TMEM266: variants seen among roughly 807,000 people sequenced by gnomAD.
TMEM266 encodes the protein Hv1 related protein 1.
A neutral mutation model predicts 50.5 loss-of-function variants in TMEM266; 33 were observed. The observed-to-expected ratio is 0.65, with a 90% CI of 0.50 to 0.87. The LOEUF (loss-of-function observed/expected upper bound fraction) is 0.87, where lower values mean the gene tolerates loss of function less well. Among genes scored for constraint, TMEM266 ranks in the 40% least tolerant of loss-of-function variants. TMEM266 has a pLI of 0.00. For missense variants in TMEM266, 655 were observed against 695.1 expected, an observed-to-expected ratio of 0.94 and a Z score of 0.65; for synonymous variants, 310 against 292.3, an observed-to-expected ratio of 1.06 and a Z score of -0.62.
chr15:76,172,777 C>T (rs2038205745), intron 7 of TMEM266, among the ~76,000 whole-genome samples: 1 of 152,200 alleles, frequency 6.6e-6, no homozygotes, highest in Non-Finnish European at 1.5e-5. Flanking sequence ...CCTAAGACCC[C>T]TGACACCCAC....
chr15:76,179,625 A>G (rs12907911), intron 8 of TMEM266, among the ~76,000 whole-genome samples: 72,443 of 151,960 alleles, frequency 0.48, 17,587 homozygotes, highest in Middle Eastern at 0.6. Flanking sequence ...AGCTGTCTCA[A>G]TGGCAGCCCC....
chr15:76,151,733 A>G (rs1015958790), intron 3 of TMEM266, among the ~76,000 whole-genome samples: 3 of 152,142 alleles, frequency 2.0e-5, no homozygotes, highest in Admixed American at 2.0e-4. Flanking sequence ...GTAGGCCGCC[A>G]GAAGCATTTG....
rs565873837 is a variant in TMEM266 at position 76,134,953 on chromosome 15, G to A, written c.38+652G>A. Among the ~76,000 whole-genome samples, 779 of 152,306 alleles carry A rather than the reference G, an allele frequency of 5.1e-3. 7 individuals carry two copies. Among genetic ancestry groups the A allele is most frequent in the Non-Finnish European group, 8.0e-3 (542 of 68,022 alleles). ...TAGCTGGCTGTCAGCTGATCTAGAGGAGGCTGGACTCTGCTCCACGTCTCT... is the reference window on the plus strand; with the variant it reads ...TAGCTGGCTGTCAGCTGATCTAGAGAAGGCTGGACTCTGCTCCACGTCTCT... On this transcript the variant is annotated intron_variant, in intron 2 of 10. Coordinates refer to ENST00000388942, the MANE Select transcript of TMEM266 (RefSeq NM_152335.3).
At chr15:76,125,741 G>A (rs1328589643) in intron 1 of TMEM266, among the ~76,000 whole-genome samples, 2 of 151,764 alleles carry the variant, frequency 1.3e-5, no homozygotes, top group East Asian at 1.9e-4. Flanking sequence ...CCAGCTACCC[G>A]GGAGGCTGAG....
In TMEM266 at chr15:76,191,924, C is replaced by A. The variant is rs762175137; in HGVS notation, c.769-44C>A. ...CAGAGGTCAGGCTGGAGGCCCCCGC[C>A]GGCCCCTCGCCGCTGATTCAGCCTT... On this transcript the variant is annotated intron_variant, in intron 8 of 10. Coordinates refer to ENST00000388942, the MANE Select transcript of TMEM266 (RefSeq NM_152335.3). 18 of 1,518,068 alleles carry A rather than the reference C, an allele frequency of 1.2e-5. 1 individual carries two copies. The South Asian group carries it at 2.3e-4, about 19-fold the overall frequency. 94.0% of individuals were successfully genotyped at this position (1,518,068 alleles called of 1,614,324 possible).
chr15:76,159,583 G>A (rs1156645700), intron 4 of TMEM266, among the ~76,000 whole-genome samples: 3 of 152,102 alleles, frequency 2.0e-5, no homozygotes, highest in African/African-American at 2.4e-5. Flanking sequence ...CACACTGGCC[G>A]ACACCACCGT....
At chr15:76,123,218 T>G (rs935252979) in intron 1 of TMEM266, among the ~76,000 whole-genome samples, 2 of 152,118 alleles carry the variant, frequency 1.3e-5, no homozygotes, top group Non-Finnish European at 1.5e-5. Flanking sequence ...GTGTGATTGA[T>G]TTTCTTCATT....
chr15:76,194,758 CAT>C (rs774303814), intron 9 of TMEM266, among the ~76,000 whole-genome samples: 2 of 152,208 alleles, frequency 1.3e-5, no homozygotes, highest in Non-Finnish European at 2.9e-5. Flanking sequence ...TCTCTATGCA[CAT>C]GTCTGGGTCT....
chr15:76,089,988 A>G (rs17429587), intron 1 of TMEM266, among the ~76,000 whole-genome samples: 33,877 of 152,120 alleles, frequency 0.22, 4,228 homozygotes, highest in Non-Finnish European at 0.27. Context: ...AAAACCACGA[A>G]CATGGAAACA....
intron 9 of TMEM266, among the ~76,000 whole-genome samples, chr15:76,196,155 C>A (rs762415675): frequency 6.6e-6 from 1 of 152,168 alleles, no homozygotes; most frequent in East Asian, 1.9e-4. Context: ...TAGGGCAGGC[C>A]CAGGCCTCCC....
chr15:76,151,207 G>A (rs1303061371), intron 3 of TMEM266, among the ~76,000 whole-genome samples: 3 of 152,152 alleles, frequency 2.0e-5, no homozygotes, highest in Non-Finnish European at 4.4e-5. Context: ...GAAGACAGAA[G>A]GAAAGCACCT....
At chr15:76,178,614 C>A (rs959701273) in intron 8 of TMEM266, 1 of 152,212 alleles carries the variant, frequency 6.6e-6, no homozygotes, top group Admixed American at 6.5e-5. Flanking sequence ...AGGGTTTCCA[C>A]CATGACCTCT....
At chr15:76,081,727 AATGT>A (rs1167833182) in intron 1 of TMEM266, among the ~76,000 whole-genome samples, 1 of 152,168 alleles carries the variant, frequency 6.6e-6, no homozygotes, top group Non-Finnish European at 1.5e-5. Context: ...GTAGATGGCG[AATGT>A]ATGAGAAAGC....
At chr15:76,171,784 G>A (rs1026385336) in intron 7 of TMEM266, among the ~76,000 whole-genome samples, 6 of 152,138 alleles carry the variant, frequency 3.9e-5, no homozygotes, top group Non-Finnish European at 8.8e-5. Context: ...CACCCCACTG[G>A]GCCACTCTTG....
intron 1 of TMEM266, among the ~76,000 whole-genome samples, chr15:76,098,949 G>A (rs1390699400): frequency 6.6e-6 from 1 of 152,086 alleles, no homozygotes; most frequent in Non-Finnish European, 1.5e-5. Flanking sequence ...AGTGTCCCGG[G>A]TCCATCTCAG....
intron 5 of TMEM266, among the ~76,000 whole-genome samples, chr15:76,165,611 CCTGGGG>C (rs556969238): frequency 6.6e-5 from 10 of 152,176 alleles, no homozygotes; most frequent in African/African-American, 1.7e-4. Flanking sequence ...AGGCCACGGC[CCTGGGG>C]CTGGGGCTGG....
chr15:76,171,278 C>T (rs930199859), intron 7 of TMEM266, 147 bp downstream of exon 7: 3 of 1,163,284 alleles, frequency 2.6e-6, no homozygotes, highest in Admixed American at 2.6e-5. Context: ...GCCAGCTGTC[C>T]CTGCTCACTC....
chr15:76,086,292 C>G (rs777221240), intron 1 of TMEM266, among the ~76,000 whole-genome samples: 13 of 152,122 alleles, frequency 8.5e-5, no homozygotes, highest in Non-Finnish European at 1.6e-4. Flanking sequence ...CCATAGGATC[C>G]CATTTTTAAA....
intron 7 of TMEM266, among the ~76,000 whole-genome samples, chr15:76,173,464 AACC>A (rs927911844): frequency 6.6e-6 from 1 of 152,178 alleles, no homozygotes; most frequent in Admixed American, 6.5e-5. Flanking sequence ...GAACCCACAG[AACC>A]ACCAAGGGAG....
Sources: allele counts gnomAD v4.1 joint callset (sites outside exome capture counted in the v4.1 genomes callset), GRCh38; gene constraint gnomAD v4.1.1; transcripts MANE v1.5; gene names NCBI Gene and HGNC (gene_info 2026-07-23, HGNC 2026-07-21).